Variants in DIP2C observed in about 807,000 individuals in gnomAD.
DIP2C encodes the protein disco-interacting protein 2 homolog C.
A neutral mutation model predicts 192.4 loss-of-function variants in DIP2C; 33 were observed. The ratio of observed to expected loss-of-function variants is 0.17; its 90% CI spans 0.13 to 0.23. DIP2C has a LOEUF of 0.23. Among genes scored for constraint, DIP2C ranks in the 10% least tolerant of loss-of-function variants. The pLI is 1.00. For synonymous variants in DIP2C, 979 were observed against 864.1 expected, an observed-to-expected ratio of 1.13 and a Z score of -2.33; for missense variants, 1,537 against 2,110.1, an observed-to-expected ratio of 0.73 and a Z score of 5.32.
At chr10:290,422 G>A (rs571235567) in intron 32 of DIP2C, among the ~76,000 whole-genome samples, 3 of 152,224 alleles carry the variant, frequency 2.0e-5, no homozygotes, top group Non-Finnish European at 4.4e-5. Flanking sequence ...AATTTGCGGT[G>A]CAACACAAAT....
At chr10:658,019 CCCTGG>C (rs1424952040) in intron 1 of DIP2C, among the ~76,000 whole-genome samples, 10 of 149,840 alleles carry the variant, frequency 6.7e-5, no homozygotes, top group African/African-American at 2.2e-4. Flanking sequence ...CTGGACCTGC[CCCTGG>C]ACCTGCCCTT....
At chr10:554,108 C>T (rs906765104) in intron 1 of DIP2C, among the ~76,000 whole-genome samples, 1 of 150,840 alleles carries the variant, frequency 6.6e-6, no homozygotes, top group African/African-American at 2.4e-5. Flanking sequence ...CTAACAGTGG[C>T]GAACAGGCAG....
At chr10:456,695 C>T (rs1217003677) in intron 3 of DIP2C, among the ~76,000 whole-genome samples, 1 of 152,236 alleles carries the variant, frequency 6.6e-6, no homozygotes, top group Non-Finnish European at 1.5e-5. Context: ...CACCGTTTGT[C>T]TCCACTACAC....
intron 1 of DIP2C, among the ~76,000 whole-genome samples, chr10:577,475 G>A (rs1850243644): frequency 1.3e-5 from 2 of 152,186 alleles, no homozygotes; most frequent in Non-Finnish European, 2.9e-5. Flanking sequence ...TCTCTATGAA[G>A]GTGGTAAGAG....
chr10:367,213 C>G lies in DIP2C; in HGVS notation c.2132-802G>C, dbSNP rs78003976. Among the ~76,000 whole-genome samples the G allele has an allele frequency of 1.2e-4, 19 of 152,222 alleles. No homozygotes were observed. In the Middle Eastern group the frequency reaches 0.01, roughly 82 times the overall value. ...CGGGCGGATCACAAGGTCAGGAGAT[C>G]GAGACCATCCTGGCTAACATGGTGA... On this transcript the variant is annotated intron_variant, in intron 18 of 36. Transcript: ENST00000280886.
intron 1 of DIP2C, among the ~76,000 whole-genome samples, chr10:508,426 G>A (rs1845779751): frequency 3.9e-5 from 6 of 152,266 alleles, no homozygotes; most frequent in Admixed American, 3.9e-4. Context: ...GGCAAAAGGG[G>A]GTTAATTCTA....
At chr10:321,391 C>T (rs971036031) in intron 31 of DIP2C, among the ~76,000 whole-genome samples, 1 of 152,348 alleles carries the variant, frequency 6.6e-6, no homozygotes, top group South Asian at 2.1e-4. Context: ...CATCCTAAGC[C>T]CTGCTGCACA....
At chr10:532,936 G>A (rs189024586) in intron 1 of DIP2C, among the ~76,000 whole-genome samples, 1 of 152,236 alleles carries the variant, frequency 6.6e-6, no homozygotes, top group African/African-American at 2.4e-5. Flanking sequence ...GACCGCACGT[G>A]CACACCACCA....
At chr10:681,667 C>T (rs1831139483) in intron 1 of DIP2C, among the ~76,000 whole-genome samples, 1 of 152,208 alleles carries the variant, frequency 6.6e-6, no homozygotes, top group South Asian at 2.1e-4. Context: ...TCACATGGTA[C>T]AGCCACCATC....
At chr10:356,600 G>A (rs1959095296) in intron 23 of DIP2C, 94 bp from the exon 24 acceptor site, 2 of 1,028,126 alleles carry the variant, frequency 1.9e-6, no homozygotes, top group East Asian at 2.4e-5. Context: ...AACCCATAGA[G>A]GCTGAGTGCT....
rs2890073 is a variant in DIP2C, at chr10:290,865, G to A, written c.3987-2444C>T. 7.9e-3 allele frequency among the ~76,000 whole-genome samples: 1,208 copies of A among 152,360 alleles called. 12 individuals carry two copies. Among genetic ancestry groups the A allele is most frequent in the African/African-American group, 0.028 (1,144 of 41,580 alleles). ...TCCTCAGTCATCTCTACTTTAGGAC[G>A]TTTGAGATCCTGTCGCTGGCCGGAA... On this transcript the variant is annotated intron_variant, in intron 32 of 36. Coordinates refer to ENST00000280886, the MANE Select transcript of DIP2C (RefSeq NM_014974.3).
intron 1 of DIP2C, among the ~76,000 whole-genome samples, chr10:627,947 G>C (rs1422316637): frequency 6.6e-6 from 1 of 152,248 alleles, no homozygotes; most frequent in South Asian, 2.1e-4. Flanking sequence ...GTCTGCATCT[G>C]TAACGACTTT....
chr10:682,214 C>T (rs1264935534), intron 1 of DIP2C, among the ~76,000 whole-genome samples: 2 of 152,236 alleles, frequency 1.3e-5, no homozygotes, highest in Admixed American at 6.5e-5. Context: ...CAGGACCCTG[C>T]GCTGGGCACA....
At chr10:289,993 C>T (rs985252603) in intron 32 of DIP2C, among the ~76,000 whole-genome samples, 1 of 152,232 alleles carries the variant, frequency 6.6e-6, no homozygotes, top group Non-Finnish European at 1.5e-5. Flanking sequence ...GTGTCTTCTC[C>T]GGTTGCTGCA....
Position 295,510 on chromosome 10 carries a change from G to C in DIP2C, c.3987-7089C>G, listed in dbSNP as rs558483025. Among the ~76,000 whole-genome samples, 75 of 136,354 alleles carry C rather than the reference G, an allele frequency of 5.5e-4. No homozygotes were observed. In the South Asian group the frequency reaches 0.011, roughly 20 times the overall value. 89.5% of individuals were successfully genotyped at this position (136,354 alleles called of 152,430 possible). On this transcript the variant is annotated intron_variant, in intron 32 of 36. Transcript: ENST00000280886. ...CGGGAGGCGGAGCTTGCAGTGAGCCGAGATAGCGCCACTGCAGTCCCACCT... is the reference window on the plus strand; with the variant it reads ...CGGGAGGCGGAGCTTGCAGTGAGCCCAGATAGCGCCACTGCAGTCCCACCT...
intron 34 of DIP2C, among the ~76,000 whole-genome samples, chr10:285,698 C>A (rs1189990083): frequency 1.3e-5 from 2 of 152,260 alleles, no homozygotes; most frequent in African/African-American, 4.8e-5. Context: ...CAAGGCCACA[C>A]AGCTCCACGA....
chr10:317,894 T>A (rs886342410), intron 31 of DIP2C, among the ~76,000 whole-genome samples: 2 of 152,242 alleles, frequency 1.3e-5, no homozygotes, highest in Non-Finnish European at 2.9e-5. Flanking sequence ...CATCCCTCAA[T>A]TGTAAATTTT....
intron 1 of DIP2C, among the ~76,000 whole-genome samples, chr10:603,321 AAAAAAAAAAAAAC>A (rs1448584727): frequency 1.1e-4 from 15 of 139,446 alleles, no homozygotes; most frequent in Admixed American, 3.5e-4. Context: ...AAAAAAAAAA[AAAAAAAAAAAAAC>A]CAACCATGAG....
chr10:479,055 A>AT (rs1363854751), intron 2 of DIP2C, among the ~76,000 whole-genome samples: 1 of 151,950 alleles, frequency 6.6e-6, no homozygotes, highest in African/African-American at 2.4e-5. Context: ...ACTGCCGGGG[A>AT]TTTTTCTGTA....
Sources: gnomAD v4.1 joint callset for allele counts (sites outside exome capture counted in the v4.1 genomes callset) on GRCh38, gnomAD v4.1.1 for gene constraint, MANE v1.5 for transcripts, NCBI Gene and HGNC (gene_info 2026-07-23, HGNC 2026-07-21) for gene names.